SRPK2: variants seen among roughly 807,000 people sequenced by gnomAD.
The protein encoded by SRPK2 is SFRS protein kinase 2.
Under a neutral mutation model 90.8 loss-of-function variants are expected in SRPK2, and 21 were observed. That is an observed-to-expected ratio of 0.23 (90% CI 0.16 to 0.33). The LOEUF (loss-of-function observed/expected upper bound fraction) is 0.33. Among genes scored for constraint, SRPK2 ranks in the 10% least tolerant of loss-of-function variants. SRPK2 has a pLI of 1.00. For synonymous variants in SRPK2, 288 were observed against 311.1 expected (o/e 0.93, Z 0.78); for missense variants, 620 against 869.0 (o/e 0.71, Z 3.60).
intron 2 of SRPK2, among the ~76,000 whole-genome samples, chr7:105,375,779 A>G (rs1031893319): frequency 6.6e-6 from 1 of 152,066 alleles, no homozygotes; most frequent in Non-Finnish European, 1.5e-5. Flanking sequence ...GGTTTTCCAA[A>G]GGTAATATGG....
intron 2 of SRPK2, chr7:105,301,374 C>A (rs1388216627): frequency 6.7e-6 from 4 of 601,086 alleles, no homozygotes; most frequent in Non-Finnish European, 1.2e-5. Context: ...GGGGCACGCA[C>A]GATTGGCACC....
upstream of SRPK2, among the ~76,000 whole-genome samples, chr7:105,393,894 C>T (rs116632948): frequency 2.3e-3 from 349 of 151,864 alleles, 3 homozygotes; most frequent in African/African-American, 8.1e-3. Flanking sequence ...ACTATGATCG[C>T]GCTGCTGCAT....
intron 2 of SRPK2, among the ~76,000 whole-genome samples, chr7:105,359,661 C>A (rs1287245963): frequency 1.3e-5 from 2 of 152,158 alleles, no homozygotes; most frequent in African/African-American, 4.8e-5. Context: ...TCCATCAAGT[C>A]ATCTGATAAT....
At chr7:105,285,928 AAAC>A (rs1193570406) in intron 2 of SRPK2, among the ~76,000 whole-genome samples, 8 of 152,244 alleles carry the variant, frequency 5.3e-5, no homozygotes, top group Non-Finnish European at 1.2e-4. Context: ...GTAGAAACAG[AAAC>A]AACAAGCATT....
chr7:105,341,015 G>A (rs1815708821), intron 2 of SRPK2, among the ~76,000 whole-genome samples: 1 of 152,142 alleles, frequency 6.6e-6, no homozygotes, highest in Non-Finnish European at 1.5e-5. Flanking sequence ...TGTCACAAAA[G>A]CATGCATTGG....
chr7:105,182,484 C>A (rs1329171629), intron 3 of SRPK2, among the ~76,000 whole-genome samples: 2 of 146,376 alleles, frequency 1.4e-5, no homozygotes, highest in African/African-American at 5.1e-5. Flanking sequence ...TGGAGTCTCA[C>A]CCTGCTGCCC....
intron 13 of SRPK2, among the ~76,000 whole-genome samples, chr7:105,130,275 GCA>G (rs1675734073): frequency 6.6e-6 from 1 of 152,158 alleles, no homozygotes; most frequent in Admixed American, 6.5e-5. Context: ...AGACAGCCGG[GCA>G]CAGTGTCACA....
chr7:105,153,886 C>T (rs988979072), intron 7 of SRPK2, among the ~76,000 whole-genome samples: 11 of 152,156 alleles, frequency 7.2e-5, no homozygotes, highest in Admixed American at 3.3e-4. Flanking sequence ...GGGTTCTCCG[C>T]AAGCCTAGAA....
intron 2 of SRPK2, among the ~76,000 whole-genome samples, chr7:105,219,490 G>A (rs928818702): frequency 6.6e-6 from 1 of 152,132 alleles, no homozygotes; most frequent in African/African-American, 2.4e-5. Flanking sequence ...GAAGACTTAT[G>A]TTTTACTCAC....
At chr7:105,306,700 C>T (rs972404266) in intron 2 of SRPK2, 2 of 336,530 alleles carry the variant, frequency 5.9e-6, no homozygotes, top group South Asian at 2.4e-5. Flanking sequence ...TCTTTATCTG[C>T]AATCCATTTT....
intron 2 of SRPK2, among the ~76,000 whole-genome samples, chr7:105,378,172 C>T (rs1820528263): frequency 6.6e-6 from 1 of 152,252 alleles, no homozygotes; most frequent in Non-Finnish European, 1.5e-5. Context: ...GTTTCTTCGG[C>T]ATGGAAGGTC....
At chr7:105,277,179 C>A (rs868258401) in intron 2 of SRPK2, among the ~76,000 whole-genome samples, 9 of 152,092 alleles carry the variant, frequency 5.9e-5, no homozygotes, top group Non-Finnish European at 1.0e-4. Context: ...CGGGTTCACA[C>A]CAGTCTCCTG....
intron 3 of SRPK2, among the ~76,000 whole-genome samples, chr7:105,176,685 G>C (rs1294370118): frequency 8.2e-6 from 1 of 122,502 alleles, no homozygotes; most frequent in Non-Finnish European, 1.7e-5. Context: ...ATGCATGTGT[G>C]TGTGTACATA....
chr7:105,295,707 A>G (rs556416850), intron 2 of SRPK2, among the ~76,000 whole-genome samples: 14 of 152,366 alleles, frequency 9.2e-5, no homozygotes, highest in African/African-American at 3.1e-4. Flanking sequence ...TTACAAAACA[A>G]TATGAATGTA....
chr7:105,352,099 G>A (rs1008199453), intron 2 of SRPK2, among the ~76,000 whole-genome samples: 4 of 152,156 alleles, frequency 2.6e-5, no homozygotes, highest in Non-Finnish European at 5.9e-5. Flanking sequence ...AAGCAGCAGA[G>A]CTGGGTCTAG....
chr7:105,244,217 C>T (rs1353665794), intron 2 of SRPK2, among the ~76,000 whole-genome samples: 2 of 152,184 alleles, frequency 1.3e-5, no homozygotes, highest in South Asian at 2.1e-4. Context: ...TAAAAAGAAA[C>T]ATTTGCAAGG....
At chr7:105,290,813 T>C (rs1313054834) in intron 2 of SRPK2, among the ~76,000 whole-genome samples, 1 of 140,414 alleles carries the variant, frequency 7.1e-6, no homozygotes, top group South Asian at 2.4e-4. Flanking sequence ...CCGAGGCGGG[T>C]GGATCATGAG....
At position 105,132,870 on chromosome 7, in the gene SRPK2, G is replaced by A. The variant is rs774620939; in HGVS notation, c.1673C>T (p.Thr558Met). The A allele has an allele frequency of 1.2e-6, 2 of 1,611,926 alleles. No homozygotes were observed. Among genetic ancestry groups the A allele is most frequent in the Non-Finnish European group, 8.5e-7 (1 of 1,178,840 alleles). The change falls in exon 13 of 16, where the codon ACG becomes ATG. Residue 558 changes from threonine (T) to methionine (M), a missense_variant. Thr to Met is a moderately conservative substitution (Grantham distance 81). This residue lies in a region of SRPK2 where 20 missense variants were observed against 54.3 expected (regional missense o/e 0.37). Transcript: ENST00000393651. ...VHKHFTEDIQ[T>M]RQYRSIEVLI... ...AACCTCTATGGAGCGGTACTGACGC[G>A]TCTGGATGTCTTCCGTGAAGTGTTT... is the stretch of plus-strand genomic sequence containing the variant.
intron 2 of SRPK2, among the ~76,000 whole-genome samples, chr7:105,378,264 G>C (rs777679085): frequency 6.6e-6 from 1 of 152,002 alleles, no homozygotes; most frequent in African/African-American, 2.4e-5. Context: ...TTTCCAGTTT[G>C]CTTTTAGATT....
Sources: gnomAD v4.1 joint callset for allele counts (sites outside exome capture counted in the v4.1 genomes callset) on GRCh38, gnomAD v4.1.1 for gene constraint, gnomAD v4.1.1 regional missense constraint, MANE v1.5 for transcripts, NCBI Gene and HGNC (gene_info 2026-07-23, HGNC 2026-07-21) for gene names.